The following CIB4 variants were observed in gnomAD, a reference collection of about 807,000 sequenced individuals.
CIB4 encodes the protein calcium and integrin binding family member 4.
Under a neutral mutation model 25.8 loss-of-function variants are expected in CIB4, and 25 were observed. The ratio of observed to expected loss-of-function variants is 0.97; its 90% confidence interval spans 0.71 to 1.35. The LOEUF is 1.35. Among genes scored for constraint, CIB4 ranks in the 40% most tolerant of loss-of-function variants. The pLI is 0.00. For missense variants in CIB4, 235 were observed against 228.2 expected (o/e 1.03, Z -0.19); for synonymous variants, 75 against 81.4 (o/e 0.92, Z 0.42).
intron 4 of CIB4, among the ~76,000 whole-genome samples, chr2:26,584,361 A>G (rs931636666): frequency 1.6e-4 from 24 of 152,058 alleles, no homozygotes; most frequent in African/African-American, 5.6e-4. Flanking sequence ...GCTGGGAGCC[A>G]GGCAGTGTGG....
intron 3 of CIB4, among the ~76,000 whole-genome samples, chr2:26,600,770 T>C (rs1668766737): frequency 6.6e-6 from 1 of 152,206 alleles, no homozygotes; most frequent in East Asian, 1.9e-4. Context: ...GTTGATTCTT[T>C]CCAAATTGAT....
At chr2:26,590,278 A>AAC (rs1475496867) in intron 4 of CIB4, among the ~76,000 whole-genome samples, 1 of 151,468 alleles carries the variant, frequency 6.6e-6, no homozygotes, top group Non-Finnish European at 1.5e-5. Context: ...AAAAAAAAAA[A>AAC]AAAAAACTCA....
At chr2:26,588,351 G>A (rs1031597731) in intron 4 of CIB4, among the ~76,000 whole-genome samples, 1 of 152,242 alleles carries the variant, frequency 6.6e-6, no homozygotes, top group Non-Finnish European at 1.5e-5. Context: ...GGGTGGCAAG[G>A]ACAGGGCAGC....
At chr2:26,608,757 G>T (rs1334807499) in intron 3 of CIB4, among the ~76,000 whole-genome samples, 1 of 152,130 alleles carries the variant, frequency 6.6e-6, no homozygotes. Context: ...GTTTGGCACA[G>T]ATCTCACCAA....
chr2:26,623,843 C>CTACA (rs1669251168), intron 3 of CIB4, among the ~76,000 whole-genome samples: 2 of 152,222 alleles, frequency 1.3e-5, no homozygotes, highest in Admixed American at 6.5e-5. Context: ...GTGGATGCAA[C>CTACA]TACAGCTCTG....
At chr2:26,633,990 G>C (rs901710223) in intron 2 of CIB4, among the ~76,000 whole-genome samples, 2 of 152,106 alleles carry the variant, frequency 1.3e-5, no homozygotes, top group African/African-American at 4.8e-5. Context: ...CCTCTCTCTG[G>C]CATCCCATTT....
In CIB4 at chr2:26,589,132, TTCTTCTTCTCCTTCCCCTTCC is replaced by T. The variant is rs1558555220; in HGVS notation, c.329-5255_329-5235del. 1.6e-3 allele frequency among the ~76,000 whole-genome samples: 216 copies of T among 136,610 alleles called. 11 individuals carry two copies. The highest frequency in any genetic ancestry group is 6.1e-3 in the African/African-American group (208 of 34,002). The allele number at this position is 136,610 out of a possible 152,430, so 89.6% of individuals were successfully genotyped here. A position where few individuals can be genotyped will look rare whatever the true frequency, so the allele number is the denominator to read the frequency against. ...CCTCTTCTTCTTCTTCTTCTTCTTC[TTCTTCTTCTCCTTCCCCTTCC>T]CCTTCCCCTTCTCCTTCTCCTTCTT... On this transcript the variant is annotated intron_variant, in intron 4 of 6. Transcript: ENST00000288861.
chr2:26,618,875 C>T (rs1411450272), intron 3 of CIB4, among the ~76,000 whole-genome samples: 3 of 152,170 alleles, frequency 2.0e-5, no homozygotes, highest in Non-Finnish European at 4.4e-5. Flanking sequence ...AAGGCATCTC[C>T]CACCGGCCTC....
intron 3 of CIB4, among the ~76,000 whole-genome samples, chr2:26,614,546 G>A (rs190714769): frequency 6.6e-6 from 1 of 152,254 alleles, no homozygotes; most frequent in African/African-American, 2.4e-5. Context: ...AGGAGGCAGA[G>A]TCTGGCAGAG....
intron 4 of CIB4, among the ~76,000 whole-genome samples, chr2:26,590,699 C>T (rs538286381): frequency 3.9e-5 from 6 of 152,300 alleles, no homozygotes; most frequent in South Asian, 2.1e-4. Flanking sequence ...AGAAACCTTC[C>T]GAGCCCAGAG....
At chr2:26,624,519 A>G (rs993555299) in intron 3 of CIB4, among the ~76,000 whole-genome samples, 1 of 152,172 alleles carries the variant, frequency 6.6e-6, no homozygotes, top group East Asian at 1.9e-4. Flanking sequence ...CAATACGGAC[A>G]AAAGGGGGTG....
intron 2 of CIB4, among the ~76,000 whole-genome samples, chr2:26,640,053 C>A (rs1669606205): frequency 2.0e-5 from 3 of 151,668 alleles, no homozygotes; most frequent in Admixed American, 6.6e-5. Context: ...ACCACCCCAC[C>A]CTCAGGGCCT....
chr2:26,631,195 C>T (rs374105031), intron 2 of CIB4, among the ~76,000 whole-genome samples: 2 of 152,174 alleles, frequency 1.3e-5, no homozygotes, highest in African/African-American at 4.8e-5. Flanking sequence ...TAAGTGAAGA[C>T]CGGGTGCGGC....
chr2:26,595,080 A>G, intron 4 of CIB4, 96 bp downstream of exon 4: 1 of 1,237,392 alleles, frequency 8.1e-7, no homozygotes, highest in East Asian at 2.4e-5. Flanking sequence ...CACCCCAGTT[A>G]ATGCCATCCA....
At chr2:26,590,623 C>G (rs972970984) in intron 4 of CIB4, among the ~76,000 whole-genome samples, 4 of 152,270 alleles carry the variant, frequency 2.6e-5, no homozygotes, top group Non-Finnish European at 5.9e-5. Flanking sequence ...ACCACTCCCC[C>G]CTCGACTTAC....
chr2:26,595,810 C>G (rs533480444), intron 3 of CIB4, among the ~76,000 whole-genome samples: 1 of 152,332 alleles, frequency 6.6e-6, no homozygotes, highest in Non-Finnish European at 1.5e-5. Context: ...GGGACCTCCC[C>G]TTGTCTTTGC....
intron 4 of CIB4, among the ~76,000 whole-genome samples, chr2:26,586,794 A>T (rs991536936): frequency 2.0e-5 from 3 of 152,066 alleles, no homozygotes; most frequent in African/African-American, 7.2e-5. Context: ...CAATCACTAC[A>T]TTTGCCAGCC....
intron 3 of CIB4, among the ~76,000 whole-genome samples, chr2:26,613,636 G>A (rs946275385): frequency 6.6e-6 from 1 of 152,204 alleles, no homozygotes; most frequent in African/African-American, 2.4e-5. Context: ...TTTTCAGATG[G>A]GGAAAGCTGA....
intron 2 of CIB4, among the ~76,000 whole-genome samples, chr2:26,638,746 A>G (rs1268797218): frequency 6.6e-6 from 1 of 152,190 alleles, no homozygotes; most frequent in African/African-American, 2.4e-5. Flanking sequence ...GGAGGTCAGG[A>G]GTTTGAGAAC....
Sources: allele counts gnomAD v4.1 joint callset (sites outside exome capture counted in the v4.1 genomes callset), GRCh38; gene constraint gnomAD v4.1.1; transcripts MANE v1.5; gene names NCBI Gene and HGNC (gene_info 2026-07-23, HGNC 2026-07-21).